CEP192: variants seen among roughly 807,000 people sequenced by gnomAD.
CEP192 encodes centrosomal protein 192, also known as centrosomal protein of 192 kDa.
In CEP192, 151 loss-of-function variants were observed where a neutral mutation model predicts 271.8. The observed-to-expected ratio is 0.56, with a 90% confidence interval of 0.49 to 0.64. The LOEUF (loss-of-function observed/expected upper bound fraction) is 0.64, where lower values mean the gene tolerates loss of function less well. Ranked by LOEUF, CEP192 falls within the 30% of genes least tolerant of loss-of-function variation. The pLI, the probability that CEP192 is intolerant of heterozygous loss-of-function variation, is 0.00. For missense variants in CEP192, 2,910 were observed against 3,020.5 expected (o/e 0.96, Z 0.86); for synonymous variants, 995 against 1,076.5 (o/e 0.92, Z 1.48).
chr18:13,024,343 A>G (rs760478418), intron 9 of CEP192: 4 of 456,228 alleles, frequency 8.8e-6, no homozygotes, highest in South Asian at 6.2e-5. Context: ...TTAATGGTAT[A>G]TCTTTCTCCA....
chr18:13,096,332 T>C lies in CEP192; in HGVS notation c.6557+25T>C, dbSNP rs780710111. On this transcript the variant is annotated intron_variant, in intron 36 of 44. Coordinates refer to ENST00000506447, the MANE Select transcript of CEP192 (RefSeq NM_032142.4). ...AGTAAGTCTGACTTCTGTGTTGCTC[T>C]GCGTGTTACTTAGGTGCTGGCTTGG... 1.9e-6 allele frequency: 3 copies of C among 1,602,368 alleles called. No individual in the cohort carries two copies. In the South Asian group the frequency reaches 3.4e-5, roughly 18 times the overall value.
Position 13,056,382 on chromosome 18 carries a change from G to C in CEP192, c.3792G>C (p.Arg1264=). 6.2e-7 allele frequency: 1 copy of C among 1,614,226 alleles called. No homozygotes were observed. The highest frequency in any genetic ancestry group is 8.5e-7 in the Non-Finnish European group (1 of 1,180,048). ...TCAGCGCTGCTCCTTTTGCTCAGCG[G>C]TATTTGGGAACACTCCCTTCAACTG... ...PSLSAAPFAQ[R]YLGTLPSTGS... The change falls in exon 19 of 45, where the codon CGG becomes CGC. Residue 1264 remains arginine, a synonymous_variant. Coordinates refer to ENST00000506447, the MANE Select transcript of CEP192 (RefSeq NM_032142.4).
Position 13,100,376 on chromosome 18 carries a change from A to G in CEP192, c.6735A>G (p.Pro2245=), listed in dbSNP as rs747327434. The change falls in exon 38 of 45, where the codon CCA becomes CCG. Residue 2245 remains proline, a synonymous_variant. Transcript: ENST00000506447. Reference sequence around the variant, plus strand: ...TTTTAACTCGTTTGACCTCCAAACCATTTGGAATTCTTTCCCCAGTATCTG... The same window carrying G: ...TTTTAACTCGTTTGACCTCCAAACCGTTTGGAATTCTTTCCCCAGTATCTG... ...VELLTRLTSK[P]FGILSPVSEP... is the part of the protein sequence containing the mutation. The G allele has an allele frequency of 1.1e-5, 18 of 1,613,900 alleles. No individual in the cohort carries two copies. In the Middle Eastern group the frequency reaches 1.6e-3, roughly 147 times the overall value.
In CEP192 at chr18:13,018,537, A is replaced by G. The variant is rs1488619512; in HGVS notation, c.847A>G (p.Ile283Val). The G allele has an allele frequency of 1.9e-6, 3 of 1,541,988 alleles. No individual in the cohort carries two copies. The highest frequency in any genetic ancestry group is 1.2e-5 in the South Asian group (1 of 82,724). Reference sequence around the variant, plus strand: ...TCAATCAGAAAATAACAGCTCTCTGATTTCCCTCGACTCACACTCTTCTGA... The same window carrying G: ...TCAATCAGAAAATAACAGCTCTCTGGTTTCCCTCGACTCACACTCTTCTGA... ...KFQSENNSSL[I>V]SLDSHSSETT... The change falls in exon 8 of 45, where the codon ATT (isoleucine) becomes GTT (valine). Residue 283 changes from isoleucine to valine, a missense_variant. Transcript: ENST00000506447.
rs116656044 is a variant in CEP192, at chr18:12,992,853, G to C, written c.-5+1416G>C. ...TTTGCATTCTTGGTGCCAAGTAGAGGGTTCTTCATGGTTTGTGTTTGATAA... is the reference window on the plus strand; with the variant it reads ...TTTGCATTCTTGGTGCCAAGTAGAGCGTTCTTCATGGTTTGTGTTTGATAA... On this transcript the variant is annotated intron_variant, in intron 1 of 44. Transcript: ENST00000506447. Among the ~76,000 whole-genome samples, 1,170 of 152,212 alleles carry C rather than the reference G, an allele frequency of 7.7e-3. 18 individuals carry two copies. Among genetic ancestry groups the C allele is most frequent in the East Asian group, 0.047 (244 of 5,180 alleles).
intron 5 of CEP192, among the ~76,000 whole-genome samples, chr18:13,013,987 T>A (rs1408309920): frequency 6.6e-6 from 1 of 152,258 alleles, no homozygotes; most frequent in Non-Finnish European, 1.5e-5. Context: ...TTTATTGGAA[T>A]ACGGTTGTGC....
chr18:13,005,692 G>A (rs1175068922), intron 3 of CEP192, among the ~76,000 whole-genome samples: 1 of 152,196 alleles, frequency 6.6e-6, no homozygotes, highest in Non-Finnish European at 1.5e-5. Context: ...TCTGAGTATA[G>A]GGCTTCCTTG....
chr18:13,094,672 T>C (rs1363956981), intron 34 of CEP192, among the ~76,000 whole-genome samples: 1 of 152,198 alleles, frequency 6.6e-6, no homozygotes, highest in Non-Finnish European at 1.5e-5. Flanking sequence ...GGTGTGCTCA[T>C]GCTGTTGAGG....
intron 9 of CEP192, among the ~76,000 whole-genome samples, chr18:13,020,157 A>AT (rs1229275839): frequency 6.6e-6 from 1 of 152,152 alleles, no homozygotes; most frequent in Non-Finnish European, 1.5e-5. Context: ...TGTTAAGTAC[A>AT]TTTACATTGT....
chr18:13,005,158 G>T (rs1391740988), intron 3 of CEP192, among the ~76,000 whole-genome samples: 3 of 152,156 alleles, frequency 2.0e-5, no homozygotes, highest in Non-Finnish European at 4.4e-5. Flanking sequence ...CCACGGCTGT[G>T]GGAGAGATGA....
intron 30 of CEP192, among the ~76,000 whole-genome samples, chr18:13,086,575 C>T (rs2144686651): frequency 6.6e-6 from 1 of 152,292 alleles, no homozygotes; most frequent in African/African-American, 2.4e-5. Flanking sequence ...GCAGAAATCA[C>T]CCGCCTTCAG....
At chr18:12,995,879 C>T (rs574839568) in intron 1 of CEP192, among the ~76,000 whole-genome samples, 2 of 152,038 alleles carry the variant, frequency 1.3e-5, no homozygotes, top group Non-Finnish European at 2.9e-5. Flanking sequence ...GGTCCTGGAG[C>T]GGAGCTGGCT....
intron 30 of CEP192, among the ~76,000 whole-genome samples, chr18:13,078,818 G>A (rs544501865): frequency 6.6e-6 from 1 of 152,170 alleles, no homozygotes; most frequent in South Asian, 2.1e-4. Flanking sequence ...CCATGTGTGT[G>A]ATGTTTCCCA....
intron 30 of CEP192, among the ~76,000 whole-genome samples, chr18:13,084,990 G>C (rs1472172100): frequency 2.7e-5 from 4 of 149,770 alleles, no homozygotes; most frequent in Non-Finnish European, 5.9e-5. Context: ...TAATTTTTTG[G>C]GTTTTTTTTT....
chr18:13,053,148 A>C, intron 18 of CEP192, 58 bp downstream of exon 18: 1 of 1,391,904 alleles, frequency 7.2e-7, no homozygotes, highest in Non-Finnish European at 9.8e-7. Context: ...AAGTGTTAAC[A>C]GATGTTTGAT....
chr18:13,124,841 A>C lies in CEP192; in HGVS notation c.*71A>C, dbSNP rs935775412. The C allele has an allele frequency of 1.6e-6, 2 of 1,215,040 alleles. No individual in the cohort carries two copies. The highest frequency in any genetic ancestry group is 3.0e-5 in the African/African-American group (2 of 65,868). 75.3% of individuals were successfully genotyped at this position (1,215,040 alleles called of 1,614,324 possible). ...GTTAACTTTATCTTTCTACACTACA[A>C]TTATGCTTTTGTATATATATTTTGT... On this transcript the variant is annotated 3_prime_UTR_variant, in exon 45 of 45. Coordinates refer to ENST00000506447, the MANE Select transcript of CEP192 (RefSeq NM_032142.4).
chr18:13,100,626 A>G (rs1483702905), intron 38 of CEP192, 114 bp downstream of exon 38: 3 of 785,270 alleles, frequency 3.8e-6, no homozygotes, highest in African/African-American at 3.5e-5. Context: ...TTCAGGAGAA[A>G]AGTGGTCATT....
At chr18:13,052,586 T>C (rs990950705) in intron 17 of CEP192, among the ~76,000 whole-genome samples, 1 of 152,184 alleles carries the variant, frequency 6.6e-6, no homozygotes, top group African/African-American at 2.4e-5. Context: ...TTTTTTTTCC[T>C]CTTTGCTCGT....
intron 1 of CEP192, among the ~76,000 whole-genome samples, chr18:12,993,789 A>G (rs2145727837): frequency 6.6e-6 from 1 of 152,280 alleles, no homozygotes; most frequent in African/African-American, 2.4e-5. Flanking sequence ...GATGATGGCT[A>G]CCTTACAAAT....
Sources: gnomAD v4.1 joint callset for allele counts (sites outside exome capture counted in the v4.1 genomes callset) on GRCh38, gnomAD v4.1.1 for gene constraint, MANE v1.5 for transcripts, NCBI Gene and HGNC (gene_info 2026-07-23, HGNC 2026-07-21) for gene names.